The following PLGRKT variants were observed in gnomAD, a reference collection of about 807,000 sequenced individuals.
The protein encoded by PLGRKT is plasminogen receptor with a C-terminal lysine.
In PLGRKT, 22 loss-of-function variants were observed where a neutral mutation model predicts 18.5. The ratio of observed to expected loss-of-function variants is 1.19; its 90% CI spans 0.85 to 1.70. The LOEUF is 1.70. Ranked by LOEUF, PLGRKT falls within the 40% of genes most tolerant of loss-of-function variation. PLGRKT has a pLI of 0.00. For missense variants in PLGRKT, 235 were observed against 174.4 expected (o/e 1.35, Z -1.96); for synonymous variants, 72 against 52.8 (o/e 1.36, Z -1.58).
At chr9:5,374,377 T>G (rs939314288) in intron 3 of PLGRKT, among the ~76,000 whole-genome samples, 6 of 152,228 alleles carry the variant, frequency 3.9e-5, no homozygotes, top group African/African-American at 1.2e-4. Flanking sequence ...CTGGTGTTGC[T>G]TTCCTGCTTA....
chr9:5,367,404 G>A (rs1482343440), intron 3 of PLGRKT, among the ~76,000 whole-genome samples: 2 of 151,986 alleles, frequency 1.3e-5, no homozygotes, highest in Non-Finnish European at 2.9e-5. Flanking sequence ...GTATGCCAAT[G>A]GAAAAGAATA....
chr9:5,397,417 A>C (rs945718581), intron 3 of PLGRKT, among the ~76,000 whole-genome samples: 1 of 151,930 alleles, frequency 6.6e-6, no homozygotes, highest in South Asian at 2.1e-4. Context: ...TAAATACTGT[A>C]TGTCATTTCT....
intron 3 of PLGRKT, among the ~76,000 whole-genome samples, chr9:5,380,496 G>T (rs138961500): frequency 1.3e-5 from 2 of 151,564 alleles, no homozygotes; most frequent in African/African-American, 2.4e-5. Context: ...ACAATCCTAC[G>T]ATTTGGATGT....
intron 2 of PLGRKT, among the ~76,000 whole-genome samples, chr9:5,432,864 C>T (rs970693468): frequency 2.6e-5 from 4 of 152,198 alleles, no homozygotes; most frequent in African/African-American, 7.2e-5. Flanking sequence ...ACCTCCCAGC[C>T]GCCTGCCTTG....
intron 3 of PLGRKT, among the ~76,000 whole-genome samples, chr9:5,429,767 A>C (rs1818783989): frequency 6.6e-6 from 1 of 152,188 alleles, no homozygotes; most frequent in African/African-American, 2.4e-5. Context: ...TCAACATATG[A>C]ATTTGGAGAC....
At chr9:5,432,093 AT>A (rs527582761) in intron 2 of PLGRKT, 110 bp from the exon 3 acceptor site, 707 of 599,582 alleles carry the variant, frequency 1.2e-3, no homozygotes, top group Non-Finnish European at 1.1e-3. Context: ...AAAAAGTAAA[AT>A]TTCTGATCTA....
At chr9:5,373,310 C>G (rs1407646001) in intron 3 of PLGRKT, among the ~76,000 whole-genome samples, 1 of 152,198 alleles carries the variant, frequency 6.6e-6, no homozygotes. Context: ...GACCTTGTGA[C>G]TTCCTCTTCC....
intron 3 of PLGRKT, among the ~76,000 whole-genome samples, chr9:5,425,803 A>T (rs1358883605): frequency 6.6e-6 from 1 of 152,214 alleles, no homozygotes; most frequent in East Asian, 1.9e-4. Flanking sequence ...AAAGAAAAAA[A>T]CAATAACACA....
intron 3 of PLGRKT, among the ~76,000 whole-genome samples, chr9:5,427,850 C>T (rs76894703): frequency 0.038 from 5,802 of 152,218 alleles, 303 homozygotes; most frequent in East Asian, 0.12. Flanking sequence ...AGAAGATTCC[C>T]AGAGATCTGG....
At chr9:5,370,405 C>A (rs1284353681) in intron 3 of PLGRKT, among the ~76,000 whole-genome samples, 4 of 152,158 alleles carry the variant, frequency 2.6e-5, no homozygotes, top group Non-Finnish European at 5.9e-5. Context: ...AACACAAAGG[C>A]AATGACATTA....
At chr9:5,408,872 G>A (rs925641834) in intron 3 of PLGRKT, among the ~76,000 whole-genome samples, 5 of 152,228 alleles carry the variant, frequency 3.3e-5, no homozygotes, top group African/African-American at 1.2e-4. Context: ...TCCAGCTTCA[G>A]GTCAGATACA....
chr9:5,419,077 T>G (rs1818521787), intron 3 of PLGRKT: 1 of 287,362 alleles, frequency 3.5e-6, no homozygotes, highest in Admixed American at 4.4e-5. Context: ...CATGGGGAGC[T>G]CAGACATCCA....
chr9:5,410,628 G>C (rs967413492), intron 3 of PLGRKT, among the ~76,000 whole-genome samples: 15 of 152,220 alleles, frequency 9.9e-5, no homozygotes, highest in African/African-American at 3.4e-4. Flanking sequence ...TTATGTTTTA[G>C]ATTATGCTTC....
chr9:5,438,123 G>C (rs375253286), upstream of PLGRKT, among the ~76,000 whole-genome samples: 1 of 152,176 alleles, frequency 6.6e-6, no homozygotes, highest in Admixed American at 6.5e-5. Flanking sequence ...TCAATTAAAG[G>C]CCTCTGTCCC....
intron 3 of PLGRKT, among the ~76,000 whole-genome samples, chr9:5,369,859 G>A (rs968799252): frequency 6.6e-6 from 1 of 152,096 alleles, no homozygotes; most frequent in Non-Finnish European, 1.5e-5. Flanking sequence ...AACACCACAT[G>A]TTCTCACTCA....
intron 3 of PLGRKT, among the ~76,000 whole-genome samples, chr9:5,376,303 G>C (rs56093953): frequency 0.036 from 5,487 of 152,228 alleles, 316 homozygotes; most frequent in African/African-American, 0.12. Context: ...GCACAAGGGA[G>C]AGGCGCAGTG....
At chr9:5,397,004 G>A (rs544487200) in intron 3 of PLGRKT, among the ~76,000 whole-genome samples, 1 of 152,074 alleles carries the variant, frequency 6.6e-6, no homozygotes, top group Non-Finnish European at 1.5e-5. Context: ...TTCTACTAAA[G>A]CAGAATTTTT....
chr9:5,418,630 A>C lies in PLGRKT; in HGVS notation c.81+13267T>G, dbSNP rs1451897849. ...GTTCCTGGGCAGCAGGTGGCGGCTCATATCTCCGGGCAGCAGCGCGTGCTC... is the reference window on the plus strand; with the variant it reads ...GTTCCTGGGCAGCAGGTGGCGGCTCCTATCTCCGGGCAGCAGCGCGTGCTC... On this transcript the variant is annotated intron_variant, in intron 3 of 5. Transcript: ENST00000223864. The surrounding 1 kb of genome is among the most constrained non-coding windows in gnomAD (Gnocchi z 4.2). The C allele has an allele frequency of 1.4e-6, 1 of 709,608 alleles. No individual in the cohort carries two copies. The highest frequency in any genetic ancestry group is 2.6e-6 in the Non-Finnish European group (1 of 379,530). The allele number at this position is 709,608 out of a possible 1,614,324, so 44.0% of individuals were successfully genotyped here. A position where few individuals can be genotyped will look rare whatever the true frequency, so the allele number is the denominator to read the frequency against.
intron 3 of PLGRKT, among the ~76,000 whole-genome samples, chr9:5,403,224 C>CTTTTTTT (rs34557029): frequency 1.5e-5 from 2 of 135,172 alleles, no homozygotes; most frequent in Non-Finnish European, 1.6e-5. Context: ...ATTCTTTTTT[C>CTTTTTTT]TTTTTTTTTT....
Sources: allele counts gnomAD v4.1 joint callset (sites outside exome capture counted in the v4.1 genomes callset), GRCh38; gene constraint gnomAD v4.1.1; non-coding constraint Gnocchi (gnomAD v3.1); transcripts MANE v1.5; gene names NCBI Gene and HGNC (gene_info 2026-07-23, HGNC 2026-07-21).